LRFN2: variants seen among roughly 807,000 people sequenced by gnomAD.
LRFN2 encodes the protein leucine-rich repeat and fibronectin type-III domain-containing protein 2.
A neutral mutation model predicts 37.3 loss-of-function variants in LRFN2; 18 were observed. That is an observed-to-expected ratio of 0.48 (90% CI 0.33 to 0.72). The LOEUF (loss-of-function observed/expected upper bound fraction) is 0.72, where lower values mean the gene tolerates loss of function less well. Among genes scored for constraint, LRFN2 ranks in the 30% least tolerant of loss-of-function variants. The pLI is 0.02. For missense variants in LRFN2, 1,006 were observed against 1,060.7 expected, an observed-to-expected ratio of 0.95 and a Z score of 0.72; for synonymous variants, 556 against 466.6, an observed-to-expected ratio of 1.19 and a Z score of -2.47.
chr6:40,396,106 A>G (rs977019452), intron 2 of LRFN2, among the ~76,000 whole-genome samples: 3 of 152,154 alleles, frequency 2.0e-5, no homozygotes, highest in African/African-American at 7.2e-5. Flanking sequence ...AACAGCTAAC[A>G]TGAGGGCTTA....
intron 2 of LRFN2, among the ~76,000 whole-genome samples, chr6:40,415,260 T>C (rs1231031066): frequency 6.6e-6 from 1 of 151,650 alleles, no homozygotes; most frequent in Non-Finnish European, 1.5e-5. Flanking sequence ...GAGTCTTGCT[T>C]TGTCGCCTAG....
chr6:40,417,090 G>A (rs1763111230), intron 2 of LRFN2, among the ~76,000 whole-genome samples: 2 of 152,166 alleles, frequency 1.3e-5, no homozygotes, highest in Non-Finnish European at 2.9e-5. Flanking sequence ...CTGAGCACCA[G>A]CCAAGCCAAC....
At chr6:40,488,471 T>C (rs1264195950) in intron 1 of LRFN2, among the ~76,000 whole-genome samples, 2 of 151,964 alleles carry the variant, frequency 1.3e-5, no homozygotes, top group Non-Finnish European at 2.9e-5. Flanking sequence ...GCCTCCCTCC[T>C]GCAGGAAGCC....
chr6:40,404,092 G>A (rs1031742271), intron 2 of LRFN2, among the ~76,000 whole-genome samples: 1 of 152,072 alleles, frequency 6.6e-6, no homozygotes, highest in East Asian at 1.9e-4. Flanking sequence ...CGTTCTCAGC[G>A]AGGCCATCCC....
At chr6:40,490,365 A>C (rs1173392305) in intron 1 of LRFN2, among the ~76,000 whole-genome samples, 3 of 152,236 alleles carry the variant, frequency 2.0e-5, no homozygotes, top group Non-Finnish European at 2.9e-5. Flanking sequence ...GAGGAGGAGC[A>C]GCGAGGCTGC....
chr6:40,522,216 A>T (rs1034273072), intron 1 of LRFN2, among the ~76,000 whole-genome samples: 2 of 152,202 alleles, frequency 1.3e-5, no homozygotes, highest in African/African-American at 4.8e-5. Flanking sequence ...GTGGGACCGA[A>T]GGCCTACTGA....
intron 1 of LRFN2, among the ~76,000 whole-genome samples, chr6:40,433,712 G>A (rs1763573900): frequency 6.6e-6 from 1 of 152,208 alleles, no homozygotes; most frequent in African/African-American, 2.4e-5. Context: ...AAGAGAGTTG[G>A]TGCTGAGAGA....
intron 1 of LRFN2, among the ~76,000 whole-genome samples, chr6:40,465,356 G>C (rs1488525883): frequency 6.6e-6 from 1 of 152,190 alleles, no homozygotes; most frequent in Non-Finnish European, 1.5e-5. Context: ...GTGATAACTT[G>C]TTACAGAAGC....
chr6:40,394,468 A>C (rs1392949542), intron 2 of LRFN2, among the ~76,000 whole-genome samples: 1 of 152,148 alleles, frequency 6.6e-6, no homozygotes, highest in Non-Finnish European at 1.5e-5. Flanking sequence ...GATCTCAAAT[A>C]TGAAATACTG....
chr6:40,499,593 G>C lies in LRFN2; in HGVS notation c.-18-66462C>G, dbSNP rs114915850. Among the ~76,000 whole-genome samples the C allele has an allele frequency of 6.6e-3, 1,001 of 152,272 alleles. 5 individuals carry two copies. The highest frequency in any genetic ancestry group is 0.01 in the Non-Finnish European group (689 of 68,030). ...TAGGGCTTCGCAGGGCTCCTCTTCA[G>C]GTTGCAATGTGTTCGTGGTTTCTCT... On this transcript the variant is annotated intron_variant, in intron 1 of 2. Transcript: ENST00000338305.
At chr6:40,571,587 G>T (rs535321377) in intron 1 of LRFN2, among the ~76,000 whole-genome samples, 1 of 152,200 alleles carries the variant, frequency 6.6e-6, no homozygotes. Context: ...TCCAGGTGGC[G>T]CTGGGTGTTT....
At chr6:40,551,767 T>C (rs1049981379) in intron 1 of LRFN2, among the ~76,000 whole-genome samples, 3 of 152,192 alleles carry the variant, frequency 2.0e-5, no homozygotes, top group African/African-American at 7.2e-5. Context: ...CGCACAGTGA[T>C]TGAAGAATTC....
chr6:40,476,397 G>A (rs1018478536), intron 1 of LRFN2, among the ~76,000 whole-genome samples: 6 of 152,182 alleles, frequency 3.9e-5, no homozygotes, highest in African/African-American at 1.4e-4. Context: ...TTGAACCTGT[G>A]TCTCCCCAAC....
intron 2 of LRFN2, among the ~76,000 whole-genome samples, chr6:40,428,021 A>G (rs1407704771): frequency 2.0e-5 from 3 of 152,046 alleles, no homozygotes; most frequent in Non-Finnish European, 2.9e-5. Context: ...TCTGCTACTT[A>G]CCCCCTGTTT....
intron 1 of LRFN2, among the ~76,000 whole-genome samples, chr6:40,567,702 C>A (rs894258301): frequency 6.6e-6 from 1 of 152,186 alleles, no homozygotes; most frequent in Non-Finnish European, 1.5e-5. Context: ...TGTATACAAG[C>A]ACTTTGCTGT....
chr6:40,557,078 C>T (rs1369018254), intron 1 of LRFN2, among the ~76,000 whole-genome samples: 1 of 152,196 alleles, frequency 6.6e-6, no homozygotes, highest in Non-Finnish European at 1.5e-5. Context: ...TGCCTTACAG[C>T]CTCTCTGCCA....
At chr6:40,428,054 T>G (rs1048831164) in intron 2 of LRFN2, among the ~76,000 whole-genome samples, 10 of 152,234 alleles carry the variant, frequency 6.6e-5, no homozygotes, top group African/African-American at 2.2e-4. Context: ...AAGTTTCTTC[T>G]ATCTAAAGTG....
chr6:40,424,042 C>T (rs1358543353), intron 2 of LRFN2, among the ~76,000 whole-genome samples: 1 of 152,208 alleles, frequency 6.6e-6, no homozygotes, highest in African/African-American at 2.4e-5. Flanking sequence ...CTAATCACTA[C>T]CCTGGACTTC....
At chr6:40,568,868 T>A (rs1250764598) in intron 1 of LRFN2, among the ~76,000 whole-genome samples, 1 of 152,124 alleles carries the variant, frequency 6.6e-6, no homozygotes, top group African/African-American at 2.4e-5. Flanking sequence ...ATTACAGGCA[T>A]GTGCCACCAT....
Sources: allele counts gnomAD v4.1 joint callset (sites outside exome capture counted in the v4.1 genomes callset), GRCh38; gene constraint gnomAD v4.1.1; transcripts MANE v1.5; gene names NCBI Gene and HGNC (gene_info 2026-07-23, HGNC 2026-07-21).